Variants in SDR42E1 observed in about 807,000 individuals in gnomAD.
The protein encoded by SDR42E1 is short chain dehydrogenase/reductase family 42E, member 1, also known as short-chain dehydrogenase/reductase family 42E member 1.
Under a neutral mutation model 2.6 loss-of-function variants are expected in SDR42E1, and 5 were observed. That is an observed-to-expected ratio of 1.94 (90% CI 1.01 to 4.08). SDR42E1 has a LOEUF of 4.08. Among genes scored for constraint, SDR42E1 ranks in the 30% most tolerant of loss-of-function variants. SDR42E1 has a pLI of 0.00. For missense variants in SDR42E1, 596 were observed against 478.6 expected, an observed-to-expected ratio of 1.25 and a Z score of -2.29; for synonymous variants, 231 against 188.3, an observed-to-expected ratio of 1.23 and a Z score of -1.86.
rs1280947148 is a variant in SDR42E1, at chr16:81,990,004, G to GACAA, written c.*9103_*9106dup. 1 of 152,312 alleles carries GACAA rather than the reference G, an allele frequency of 6.6e-6. No homozygotes were observed. Among genetic ancestry groups the GACAA allele is most frequent in the Non-Finnish European group, 1.5e-5 (1 of 68,258 alleles). 9.4% of individuals were successfully genotyped at this position (152,312 alleles called of 1,614,324 possible). On this transcript the variant is annotated 3_prime_UTR_variant, in exon 3 of 3. Coordinates refer to ENST00000328945, the MANE Select transcript of SDR42E1 (RefSeq NM_145168.3). The stretch of plus-strand genomic sequence containing the variant: ...CAAGACCAAAACTCCGTCTGAAACA[G>GACAA]ACAAACAAACAAAAAAAACATGGTA...
intron 1 of SDR42E1, among the ~76,000 whole-genome samples, chr16:82,002,630 G>C (rs998367377): frequency 2.0e-5 from 3 of 152,090 alleles, no homozygotes; most frequent in African/African-American, 7.2e-5. Flanking sequence ...CCCGATGGCA[G>C]TTTGGCCCCA....
rs200518985 is a variant in SDR42E1, at chr16:82,000,163, C to A, written c.130G>T (p.Ala44Ser). 4 of 1,613,390 alleles carry A rather than the reference C, an allele frequency of 2.5e-6. No homozygotes were observed. The highest frequency in any genetic ancestry group is 1.7e-4 in the Middle Eastern group (1 of 6,060). Residue 44 changes from alanine (A) to serine (S), a missense_variant, in exon 3 of 3, where the codon GCT becomes TCT. Transcript: ENST00000328945. The stretch of plus-strand genomic sequence containing the variant: ...TTGATTCCTTCTGGAATGGTTTGAG[C>A]AGGGCTGCTGATGTCAAACAGAATC... ...HVILFDISSP[A>S]QTIPEGIKFI... is the part of the protein sequence containing the mutation.
rs1912436373 is a variant in SDR42E1 at position 81,991,891 on chromosome 16, A to G, written c.*7220T>C. 6.6e-6 allele frequency: 1 copy of G among 152,166 alleles called. No individual in the cohort carries two copies. The highest frequency in any genetic ancestry group is 2.1e-4 in the South Asian group (1 of 4,824). The allele number at this position is 152,166 out of a possible 1,614,324, so 9.4% of individuals were successfully genotyped here. On this transcript the variant is annotated 3_prime_UTR_variant, in exon 3 of 3. Transcript: ENST00000328945. ...GATCTGTTTCTTAAAGACATTAAGAAAGCTAAATAAGCCTAAGAAATAAAG... is the reference window on the plus strand; with the variant it reads ...GATCTGTTTCTTAAAGACATTAAGAGAGCTAAATAAGCCTAAGAAATAAAG...
At position 81,999,177 on chromosome 16, in the gene SDR42E1, T is replaced by C. The variant is rs1567562679; in HGVS notation, c.1116A>G (p.Leu372=). 4 of 1,614,028 alleles carry C rather than the reference T, an allele frequency of 2.5e-6. No individual in the cohort carries two copies. Among genetic ancestry groups the C allele is most frequent in the African/African-American group, 1.3e-5 (1 of 74,912 alleles). ...RDSECFVWDG[L]LVFLLIIAVL... Reference sequence around the variant, plus strand: ...CTGCTATAATCAGGAGGAAGACCAATAGCCCATCCCAAACAAAACACTCCG... The same window carrying C: ...CTGCTATAATCAGGAGGAAGACCAACAGCCCATCCCAAACAAAACACTCCG... The change falls in exon 3 of 3, where the codon CTA becomes CTG. Residue 372 remains leucine (L), a synonymous_variant. Coordinates refer to ENST00000328945, the MANE Select transcript of SDR42E1 (RefSeq NM_145168.3).
At chr16:82,007,122 T>G (rs1912965652) in intron 1 of SDR42E1, among the ~76,000 whole-genome samples, 1 of 152,240 alleles carries the variant, frequency 6.6e-6, no homozygotes, top group Non-Finnish European at 1.5e-5. Flanking sequence ...ATAAATGCCA[T>G]GTGAGTACAG....
At chr16:82,002,041 T>C (rs16956183) in intron 1 of SDR42E1, among the ~76,000 whole-genome samples, 4,704 of 151,488 alleles carry the variant, frequency 0.031, 224 homozygotes, top group African/African-American at 0.11. Flanking sequence ...TGGTTAGGCA[T>C]GAAGACTGCA....
rs1226199484 is a variant in SDR42E1, at chr16:81,995,991, C to G, written c.*3120G>C. The G allele has an allele frequency of 6.6e-6, 1 of 152,176 alleles. No homozygotes were observed. The highest frequency in any genetic ancestry group is 1.5e-5 in the Non-Finnish European group (1 of 68,060). The allele number at this position is 152,176 out of a possible 1,614,324, so 9.4% of individuals were successfully genotyped here. A position where few individuals can be genotyped will look rare whatever the true frequency, so the allele number is the denominator to read the frequency against. On this transcript the variant is annotated 3_prime_UTR_variant, in exon 3 of 3. Coordinates refer to ENST00000328945, the MANE Select transcript of SDR42E1 (RefSeq NM_145168.3). ...CAAGAGACACGAAATAAACATTATTCAGGCCAAAAGGAGGAGCAGGGAGCC... is the reference window on the plus strand; with the variant it reads ...CAAGAGACACGAAATAAACATTATTGAGGCCAAAAGGAGGAGCAGGGAGCC...
rs767242601 is a variant in SDR42E1 at position 81,999,889 on chromosome 16, T to C, written c.404A>G (p.Asn135Ser). ...CAGGTAGGGCAGAGATTCATCCCCA[T>C]TTCTGATAACTTGACCTCCAAAGAT... ...NVIFGGQVIR[N>S]GDESLPYLPL... The change falls in exon 3 of 3, where the codon AAT becomes AGT. Residue 135 changes from asparagine to serine, a missense_variant. Transcript: ENST00000328945. 6.8e-6 allele frequency: 11 copies of C among 1,614,072 alleles called. No homozygotes were observed. The highest frequency in any genetic ancestry group is 1.1e-5 in the South Asian group (1 of 91,088).
rs1029294257 is a variant in SDR42E1, at chr16:81,994,141, G to A, written c.*4970C>T. The A allele has an allele frequency of 6.6e-6, 1 of 152,180 alleles. No homozygotes were observed. Among genetic ancestry groups the A allele is most frequent in the African/African-American group, 2.4e-5 (1 of 41,424 alleles). The allele number at this position is 152,180 out of a possible 1,614,324, so 9.4% of individuals were successfully genotyped here. ...CCTTAAGCAGAAAAGAAAGTGAACT[G>A]AAGACTCACGTGAGAGGACGATCTG... On this transcript the variant is annotated 3_prime_UTR_variant, in exon 3 of 3. Coordinates refer to ENST00000328945, the MANE Select transcript of SDR42E1 (RefSeq NM_145168.3).
Position 82,000,683 on chromosome 16 carries a change from G to A in SDR42E1, c.68+108C>T, listed in dbSNP as rs1659888951. On this transcript the variant is annotated intron_variant, in intron 2 of 2. Coordinates refer to ENST00000328945, the MANE Select transcript of SDR42E1 (RefSeq NM_145168.3). Reference sequence around the variant, plus strand: ...CAGTGGGCAACACAGATCATTTCTGGTTTGACATTACACAAACAAGTAAAA... The same window carrying A: ...CAGTGGGCAACACAGATCATTTCTGATTTGACATTACACAAACAAGTAAAA... 4.9e-6 allele frequency: 4 copies of A among 811,362 alleles called. No individual in the cohort carries two copies. In the South Asian group the frequency reaches 6.5e-5, roughly 13 times the overall value. The allele number at this position is 811,362 out of a possible 1,614,324, so 50.3% of individuals were successfully genotyped here.
intron 1 of SDR42E1, among the ~76,000 whole-genome samples, chr16:82,002,978 G>C (rs932685471): frequency 6.6e-6 from 1 of 152,118 alleles, no homozygotes; most frequent in African/African-American, 2.4e-5. Flanking sequence ...AAAGCACAGG[G>C]TTACAAAGAG....
chr16:82,005,874 TA>T (rs541177587), intron 1 of SDR42E1, among the ~76,000 whole-genome samples: 1 of 152,158 alleles, frequency 6.6e-6, no homozygotes, highest in South Asian at 2.1e-4. Context: ...AAATTAAATT[TA>T]AAAATCCACC....
Position 81,999,152 on chromosome 16 carries a change from C to T in SDR42E1, c.1141G>A (p.Val381Ile). The part of the protein sequence containing the change: ...GLLVFLLIIA[V>I]LMWLPSSVIL... Reference sequence around the variant, plus strand: ...ACAGAAGAAGGCAGCCACATGAGAACTGCTATAATCAGGAGGAAGACCAAT... The same window carrying T: ...ACAGAAGAAGGCAGCCACATGAGAATTGCTATAATCAGGAGGAAGACCAAT... The change falls in exon 3 of 3, where the codon GTT (valine) becomes ATT (isoleucine). Residue 381 changes from valine to isoleucine, a missense_variant. By Grantham distance (29) the Val-to-Ile change is conservative. Transcript: ENST00000328945. The T allele has an allele frequency of 6.2e-7, 1 of 1,614,196 alleles. No homozygotes were observed. The highest frequency in any genetic ancestry group is 8.5e-7 in the Non-Finnish European group (1 of 1,180,040).
At chr16:82,002,808 A>C (rs1227631968) in intron 1 of SDR42E1, among the ~76,000 whole-genome samples, 3 of 152,218 alleles carry the variant, frequency 2.0e-5, no homozygotes, top group Non-Finnish European at 4.4e-5. Flanking sequence ...GCCTGCCTGA[A>C]GACTGCATGG....
At chr16:82,001,762 C>T (rs1269691746) in intron 1 of SDR42E1, among the ~76,000 whole-genome samples, 2 of 151,792 alleles carry the variant, frequency 1.3e-5, no homozygotes, top group African/African-American at 2.4e-5. Context: ...ATTAGCCGGG[C>T]GTGGTGGCGG....
rs367921235 is a variant in SDR42E1, at chr16:81,999,273, T to A, written c.1020A>T (p.Pro340=). 1 of 1,614,220 alleles carries A rather than the reference T, an allele frequency of 6.2e-7. No homozygotes were observed. Among genetic ancestry groups the A allele is most frequent in the Non-Finnish European group, 8.5e-7 (1 of 1,180,044 alleles). ...AKKELGYKAQ[P]FDLQEAVEWF... Reference sequence around the variant, plus strand: ...ATTCCACTGCTTCCTGGAGGTCAAATGGCTGAGCCTTATAACCTAGCTCTT... The same window carrying A: ...ATTCCACTGCTTCCTGGAGGTCAAAAGGCTGAGCCTTATAACCTAGCTCTT... The change falls in exon 3 of 3, where the codon CCA becomes CCT. Residue 340 remains proline, a synonymous_variant. Transcript: ENST00000328945.
At chr16:82,004,658 G>A (rs116495180) in intron 1 of SDR42E1, among the ~76,000 whole-genome samples, 3,202 of 152,306 alleles carry the variant, frequency 0.021, 133 homozygotes, top group African/African-American at 0.073. Flanking sequence ...GTGCCATGAT[G>A]CCTGGCTAAT....
rs565773669 is a variant in SDR42E1 at position 82,000,270 on chromosome 16, G to A, written c.69-46C>T. ...CGTTGAATCAAGTCACTCTTAAGCT[G>A]TGCCTAGGGGAAGTGTATAAAGTAA... On this transcript the variant is annotated intron_variant, in intron 2 of 2. Transcript: ENST00000328945. The A allele has an allele frequency of 2.3e-5, 37 of 1,597,996 alleles. No homozygotes were observed. In the South Asian group the frequency reaches 3.9e-4, roughly 17 times the overall value.
At chr16:82,006,254 C>T (rs1363681269) in intron 1 of SDR42E1, among the ~76,000 whole-genome samples, 2 of 152,120 alleles carry the variant, frequency 1.3e-5, no homozygotes, top group Non-Finnish European at 2.9e-5. Flanking sequence ...CCCATGATTA[C>T]GTGTTTTAAA....
Sources: gnomAD v4.1 joint callset for allele counts (sites outside exome capture counted in the v4.1 genomes callset) on GRCh38, gnomAD v4.1.1 for gene constraint, MANE v1.5 for transcripts, NCBI Gene and HGNC (gene_info 2026-07-23, HGNC 2026-07-21) for gene names.